DLC1: variants seen among roughly 807,000 people sequenced by gnomAD.
DLC1 encodes rho GTPase-activating protein 7.
A neutral mutation model predicts 140.3 loss-of-function variants in DLC1; 54 were observed. That is an observed-to-expected ratio of 0.38 (90% confidence interval 0.31 to 0.48). The LOEUF (loss-of-function observed/expected upper bound fraction) is 0.48, where lower values mean the gene tolerates loss of function less well. DLC1 is among the 20% of genes least tolerant of loss of function. DLC1 has a pLI of 0.96. For missense variants in DLC1, 2,536 were observed against 1,907.0 expected (o/e 1.33, Z -6.14); for synonymous variants, 986 against 728.1 (o/e 1.35, Z -5.70).
At chr8:13,243,966 C>A (rs1488990258) in intron 5 of DLC1, among the ~76,000 whole-genome samples, 1 of 152,196 alleles carries the variant, frequency 6.6e-6, no homozygotes, top group South Asian at 2.1e-4. Context: ...CATACTCACT[C>A]TTTTCCTCTG....
chr8:13,342,969 G>A (rs1226711816), intron 4 of DLC1, among the ~76,000 whole-genome samples: 2 of 152,090 alleles, frequency 1.3e-5, no homozygotes, highest in Admixed American at 1.3e-4. Flanking sequence ...TGTCTTTTGT[G>A]TGACTTGGTG....
In DLC1 at chr8:13,597,674, C is replaced by A. The variant is rs1295249769; in HGVS notation, c.-126+6863G>T. ...GATGCACACACATGGGAGGCACTGA[C>A]CATAATAACAGATGACATTATGATA... On this transcript the variant is annotated intron_variant, in intron 1 of 1. Coordinates refer to the DLC1 transcript ENST00000631382. Among the ~76,000 whole-genome samples, 3 of 151,850 alleles carry A rather than the reference C, an allele frequency of 2.0e-5. 1 individual carries two copies. The highest frequency in any genetic ancestry group is 4.4e-5 in the Non-Finnish European group (3 of 67,932).
chr8:13,528,134 A>G (rs1323309468), intron 1 of DLC1, among the ~76,000 whole-genome samples: 1 of 152,140 alleles, frequency 6.6e-6, no homozygotes, highest in Non-Finnish European at 1.5e-5. Context: ...AAGGAATACA[A>G]CGATAACTGA....
upstream of DLC1, among the ~76,000 whole-genome samples, chr8:13,516,151 G>A (rs1161987511): frequency 6.6e-6 from 1 of 151,476 alleles, no homozygotes; most frequent in Non-Finnish European, 1.5e-5. Context: ...TGCTATTTAT[G>A]ACTCAAGCAT....
rs1415007662 is a variant in DLC1 at position 13,245,643 on chromosome 8, A to C, written c.1348+59626T>G. Among the ~76,000 whole-genome samples, 3 of 152,116 alleles carry C rather than the reference A, an allele frequency of 2.0e-5. No individual in the cohort carries two copies. In the East Asian group the frequency reaches 5.8e-4, roughly 29 times the overall value. On this transcript the variant is annotated intron_variant, in intron 5 of 17. Coordinates refer to ENST00000276297, the MANE Select transcript of DLC1 (RefSeq NM_182643.3). ...GTTAAGATACTGTACCACTCCCATC[A>C]TCAGAAATTGTTTAGATAAATGCAA...
intron 10 of DLC1, chr8:13,095,813 T>A (rs902169227): frequency 6.5e-6 from 1 of 153,216 alleles, no homozygotes; most frequent in Admixed American, 6.5e-5. Context: ...AGATAACACA[T>A]GATGGGAAAA....
chr8:13,272,980 T>A (rs1831003712), intron 5 of DLC1, among the ~76,000 whole-genome samples: 1 of 152,254 alleles, frequency 6.6e-6, no homozygotes, highest in Admixed American at 6.5e-5. Flanking sequence ...GGTATACTAG[T>A]ACATCATAAT....
chr8:13,463,860 G>A (rs1799799414), intron 2 of DLC1, among the ~76,000 whole-genome samples: 1 of 152,028 alleles, frequency 6.6e-6, no homozygotes, highest in Non-Finnish European at 1.5e-5. Flanking sequence ...TCTTTTCAAG[G>A]GGACACGAAA....
chr8:13,487,726 C>T (rs969351245), intron 2 of DLC1, among the ~76,000 whole-genome samples: 1 of 152,078 alleles, frequency 6.6e-6, no homozygotes, highest in Admixed American at 6.5e-5. Context: ...GTGCCCACCA[C>T]CATGTCCGGC....
rs151079339 is a variant in DLC1, at chr8:13,100,288, C to T, written c.2049G>A (p.Lys683=). ...SLKLKSSHHS[K]HKAPSKLGLI... ...ACCCCAGCTTTGAGGGCGCTTTGTGCTTGCTGTGATGGGAGCTCTTGAGCT... is the reference window on the plus strand; with the variant it reads ...ACCCCAGCTTTGAGGGCGCTTTGTGTTTGCTGTGATGGGAGCTCTTGAGCT... The change falls in exon 9 of 18, where the codon AAG becomes AAA. Residue 683 remains lysine, a synonymous_variant. Transcript: ENST00000276297. 2.5e-6 allele frequency: 4 copies of T among 1,614,030 alleles called. No homozygotes were observed. Among genetic ancestry groups the T allele is most frequent in the Non-Finnish European group, 3.4e-6 (4 of 1,180,048 alleles).
chr8:13,170,623 G>C (rs10093898), intron 5 of DLC1, among the ~76,000 whole-genome samples: 1 of 150,734 alleles, frequency 6.6e-6, no homozygotes, highest in Non-Finnish European at 1.5e-5. Flanking sequence ...CCAGCTAGTC[G>C]GGAGGCTGAG....
At chr8:13,423,935 T>A (rs930017009) in intron 2 of DLC1, among the ~76,000 whole-genome samples, 2 of 152,208 alleles carry the variant, frequency 1.3e-5, no homozygotes, top group Non-Finnish European at 2.9e-5. Flanking sequence ...AGAATTATGA[T>A]CTCATTATTT....
At chr8:13,361,421 A>T (rs1200824398) in intron 4 of DLC1, among the ~76,000 whole-genome samples, 2 of 150,008 alleles carry the variant, frequency 1.3e-5, no homozygotes, top group East Asian at 4.0e-4. Context: ...TGCTCTGCTA[A>T]TTTTTTTTTT....
At chr8:13,460,663 A>G (rs542990264) in intron 2 of DLC1, among the ~76,000 whole-genome samples, 2 of 152,152 alleles carry the variant, frequency 1.3e-5, no homozygotes, top group South Asian at 4.1e-4. Flanking sequence ...GGTGTGGATC[A>G]AAATAAAGGG....
chr8:13,222,430 A>G (rs1205411739), intron 5 of DLC1, among the ~76,000 whole-genome samples: 1 of 152,152 alleles, frequency 6.6e-6, no homozygotes, highest in South Asian at 2.1e-4. Context: ...TGTTTTATGT[A>G]GGTTAGACAC....
chr8:13,362,401 G>C (rs895944692), intron 4 of DLC1, among the ~76,000 whole-genome samples: 3 of 152,208 alleles, frequency 2.0e-5, no homozygotes, highest in Non-Finnish European at 4.4e-5. Flanking sequence ...TCTGGTTGCA[G>C]TTAGATTCCC....
intron 4 of DLC1, among the ~76,000 whole-genome samples, chr8:13,343,111 G>T (rs116470102): frequency 1.4e-3 from 206 of 152,254 alleles, no homozygotes; most frequent in African/African-American, 4.7e-3. Flanking sequence ...TGTGAAACAG[G>T]CGCACTTGTG....
chr8:13,345,022 T>C (rs1834261513), intron 4 of DLC1, among the ~76,000 whole-genome samples: 1 of 152,144 alleles, frequency 6.6e-6, no homozygotes, highest in Non-Finnish European at 1.5e-5. Flanking sequence ...AATCATATAA[T>C]TCCAGGATAG....
At chr8:13,548,538 T>G (rs1399864075) in intron 1 of DLC1, among the ~76,000 whole-genome samples, 1 of 152,056 alleles carries the variant, frequency 6.6e-6, no homozygotes, top group Non-Finnish European at 1.5e-5. Context: ...AATATTTCTA[T>G]GGTTTGAATG....
Sources: allele counts gnomAD v4.1 joint callset (sites outside exome capture counted in the v4.1 genomes callset), GRCh38; gene constraint gnomAD v4.1.1; transcripts MANE v1.5; gene names NCBI Gene and HGNC (gene_info 2026-07-23, HGNC 2026-07-21).